Variants in CTDSPL2 observed in about 807,000 individuals in gnomAD.
CTDSPL2 encodes CTD small phosphatase like 2.
In CTDSPL2, 5 loss-of-function variants were observed where a neutral mutation model predicts 60.0. The observed-to-expected ratio is 0.08, with a 90% CI of 0.04 to 0.18. The LOEUF (loss-of-function observed/expected upper bound fraction) is 0.18. Among genes scored for constraint, CTDSPL2 ranks in the 10% least tolerant of loss-of-function variants. The pLI is 1.00. For synonymous variants in CTDSPL2, 186 were observed against 189.3 expected (o/e 0.98, Z 0.14); for missense variants, 370 against 548.8 (o/e 0.67, Z 3.26).
At chr15:44,455,144 C>G (rs2080408310) in intron 1 of CTDSPL2, among the ~76,000 whole-genome samples, 1 of 152,094 alleles carries the variant, frequency 6.6e-6, no homozygotes, top group Non-Finnish European at 1.5e-5. Flanking sequence ...CTTCACATCC[C>G]TTGTAAGTTG....
At chr15:44,450,093 TG>T (rs2080304270) in intron 1 of CTDSPL2, among the ~76,000 whole-genome samples, 1 of 152,146 alleles carries the variant, frequency 6.6e-6, no homozygotes. Flanking sequence ...TCTTCAGGAA[TG>T]CTACCTGAGG....
At chr15:44,485,119 T>G (rs943703975) in intron 3 of CTDSPL2, among the ~76,000 whole-genome samples, 2 of 152,212 alleles carry the variant, frequency 1.3e-5, no homozygotes, top group African/African-American at 4.8e-5. Flanking sequence ...TTTTTGGTTG[T>G]CACAACTTGT....
At chr15:44,502,705 C>T (rs1326264654) in intron 8 of CTDSPL2, among the ~76,000 whole-genome samples, 1 of 152,166 alleles carries the variant, frequency 6.6e-6, no homozygotes, top group Admixed American at 6.5e-5. Context: ...AGTAAATTTA[C>T]ATATTCAAAT....
At chr15:44,522,138 A>G (rs1374333293) in intron 12 of CTDSPL2, among the ~76,000 whole-genome samples, 3 of 151,922 alleles carry the variant, frequency 2.0e-5, no homozygotes, top group Non-Finnish European at 4.4e-5. Context: ...GGCTCAATCT[A>G]TCCTCCTGCC....
intron 1 of CTDSPL2, among the ~76,000 whole-genome samples, chr15:44,442,091 T>C (rs554075998): frequency 1.3e-5 from 2 of 152,280 alleles, no homozygotes; most frequent in East Asian, 3.9e-4. Context: ...TTTGTCATCT[T>C]TTCCCAGTCT....
intron 1 of CTDSPL2, among the ~76,000 whole-genome samples, chr15:44,455,547 G>T (rs2080416823): frequency 1.3e-5 from 2 of 152,134 alleles, no homozygotes; most frequent in Non-Finnish European, 2.9e-5. Flanking sequence ...GTATGATATT[G>T]GCTGTGGGTT....
intron 3 of CTDSPL2, among the ~76,000 whole-genome samples, chr15:44,486,218 T>G (rs2081116512): frequency 6.6e-6 from 1 of 152,210 alleles, no homozygotes; most frequent in African/African-American, 2.4e-5. Flanking sequence ...TGTGTTTTAG[T>G]TGGTGGGAAC....
chr15:44,495,014 C>G lies in CTDSPL2; in HGVS notation c.692-1366C>G, dbSNP rs531763800. ...GAGATGGAGTTTTGCTCTTGTTGCC[C>G]AGGCTAGAGTGCAATGACACAATCT... On this transcript the variant is annotated intron_variant, in intron 5 of 12. Coordinates refer to ENST00000260327, the MANE Select transcript of CTDSPL2 (RefSeq NM_016396.3). Among the ~76,000 whole-genome samples the G allele has an allele frequency of 9.2e-5, 14 of 152,266 alleles. No homozygotes were observed. In the South Asian group the frequency reaches 2.5e-3, roughly 27 times the overall value.
intron 10 of CTDSPL2, 129 bp downstream of exon 10, chr15:44,514,973 T>C (rs1595778541): frequency 1.7e-6 from 1 of 580,438 alleles, no homozygotes. Context: ...AATGAATTTT[T>C]TAAGCCCCTA....
At chr15:44,448,809 GAA>G in intron 1 of CTDSPL2, 1 of 345,266 alleles carries the variant, frequency 2.9e-6, no homozygotes, top group South Asian at 2.5e-5. Context: ...GCTTAGGAGG[GAA>G]AAAAAAATCC....
rs185670744 is a variant in CTDSPL2 at position 44,452,480 on chromosome 15, A to G, written c.-24-6511A>G. ...CCAGTTTGGGACTAGAAACAGCCTT[A>G]TTGTGAATAAGGCTGTCAGGAATAT... is the stretch of plus-strand genomic sequence containing the variant. On this transcript the variant is annotated intron_variant, in intron 1 of 12. Transcript: ENST00000260327. 2.1e-3 allele frequency among the ~76,000 whole-genome samples: 323 copies of G among 152,216 alleles called. 2 individuals carry two copies. The highest frequency in any genetic ancestry group is 7.6e-3 in the African/African-American group (315 of 41,538).
At chr15:44,523,106 C>T (rs757499445) in intron 12 of CTDSPL2, among the ~76,000 whole-genome samples, 2 of 152,096 alleles carry the variant, frequency 1.3e-5, no homozygotes, top group Non-Finnish European at 2.9e-5. Context: ...AAGGGATTCT[C>T]GTGCCTCAGT....
At chr15:44,458,336 A>G (rs1309289301) in intron 1 of CTDSPL2, among the ~76,000 whole-genome samples, 1 of 152,206 alleles carries the variant, frequency 6.6e-6, no homozygotes, top group East Asian at 1.9e-4. Context: ...GCCAGCAATT[A>G]ATTGTCTTAC....
intron 5 of CTDSPL2, among the ~76,000 whole-genome samples, chr15:44,492,277 C>G (rs531033320): frequency 6.6e-6 from 1 of 152,040 alleles, no homozygotes; most frequent in Non-Finnish European, 1.5e-5. Flanking sequence ...TCCAGACTGC[C>G]GTGAGCTATG....
At position 44,484,315 on chromosome 15, in the gene CTDSPL2, C is replaced by G. The variant is rs1595746503; in HGVS notation, c.278C>G (p.Pro93Arg). Residue 93 changes from proline to arginine, a missense_variant, in exon 3 of 13, where the codon CCT (proline) becomes CGT (arginine). Around this residue, in one of 6 missense-constraint regions of CTDSPL2, gnomAD observed 287 missense variants for 296.1 expected, o/e 0.97. Transcript: ENST00000260327. ...TCAACACCAAGAGCAGGAGAAAAACCTAACAAACAGATATCTCGAGTAAGA... is the reference window on the plus strand; with the variant it reads ...TCAACACCAAGAGCAGGAGAAAAACGTAACAAACAGATATCTCGAGTAAGA... ...ITSTPRAGEK[P>R]NKQISRVRRK... The G allele has an allele frequency of 1.2e-6, 2 of 1,613,508 alleles. No homozygotes were observed. Among genetic ancestry groups the G allele is most frequent in the East Asian group, 2.2e-5 (1 of 44,842 alleles).
chr15:44,446,457 G>A (rs936991875), intron 1 of CTDSPL2, among the ~76,000 whole-genome samples: 4 of 151,750 alleles, frequency 2.6e-5, no homozygotes, highest in Admixed American at 1.3e-4. Context: ...GCAAAACCCC[G>A]TCTCTACTAA....
intron 1 of CTDSPL2, among the ~76,000 whole-genome samples, chr15:44,454,787 T>A (rs1218532410): frequency 2.0e-5 from 3 of 152,192 alleles, no homozygotes; most frequent in Non-Finnish European, 4.4e-5. Context: ...TTGGTCTATA[T>A]CTCTGTTTTG....
At chr15:44,504,405 T>G (rs1245619792) in intron 8 of CTDSPL2, among the ~76,000 whole-genome samples, 1 of 152,130 alleles carries the variant, frequency 6.6e-6, no homozygotes, top group African/African-American at 2.4e-5. Context: ...TGTCTCCTCT[T>G]TACAGTCTTT....
intron 1 of CTDSPL2, among the ~76,000 whole-genome samples, chr15:44,439,660 C>G (rs1417840204): frequency 6.6e-6 from 1 of 151,740 alleles, no homozygotes; most frequent in Non-Finnish European, 1.5e-5. Flanking sequence ...ATTAGGGATA[C>G]TCAACCTGTA....
Sources: allele counts gnomAD v4.1 joint callset (sites outside exome capture counted in the v4.1 genomes callset), GRCh38; gene constraint gnomAD v4.1.1; regional missense constraint gnomAD v4.1.1; transcripts MANE v1.5; gene names NCBI Gene and HGNC (gene_info 2026-07-23, HGNC 2026-07-21).